Variants in RIMBP2 observed in about 807,000 individuals in gnomAD.
RIMBP2 encodes RIMS binding protein 2, also known as RIMS-binding protein 2.
RIMBP2 carries 48 observed loss-of-function variants against 118.6 expected under a neutral mutation model. The observed-to-expected ratio is 0.40, with a 90% CI of 0.32 to 0.51. RIMBP2 has a LOEUF of 0.51. Ranked by LOEUF, RIMBP2 falls within the 20% of genes least tolerant of loss-of-function variation. The pLI, the probability that RIMBP2 is intolerant of heterozygous loss-of-function variation, is 0.41. For missense variants in RIMBP2, 1,551 were observed against 1,768.3 expected, an observed-to-expected ratio of 0.88 and a Z score of 2.20; for synonymous variants, 762 against 742.9, an observed-to-expected ratio of 1.03 and a Z score of -0.42.
At chr12:130,597,707 C>G (rs896421578) in intron 2 of RIMBP2, among the ~76,000 whole-genome samples, 3 of 152,192 alleles carry the variant, frequency 2.0e-5, no homozygotes, top group Admixed American at 6.5e-5. Context: ...ACTGATAACA[C>G]CACTCAGCAA....
chr12:130,697,348 C>A (rs1034222006), intron 1 of RIMBP2, among the ~76,000 whole-genome samples: 6 of 152,166 alleles, frequency 3.9e-5, no homozygotes, highest in African/African-American at 1.4e-4. Context: ...ATAGCAAGAC[C>A]CCTCTCTACA....
In RIMBP2 at chr12:130,632,189, C is replaced by CT. The variant is rs569927532; in HGVS notation, c.-351-3734dup. Among the ~76,000 whole-genome samples the CT allele has an allele frequency of 4.6e-3, 708 of 152,318 alleles. 4 individuals carry two copies. The highest frequency in any genetic ancestry group is 0.016 in the African/African-American group (669 of 41,574). On this transcript the variant is annotated intron_variant, in intron 1 of 22. Coordinates refer to ENST00000690449, the MANE Select transcript of RIMBP2 (RefSeq NM_001393629.1). ...GATGCAAACAAATCAAGGCAGACAC[C>CT]TCCAGTGAGATCCCTGCAGGCAGAG...
chr12:130,520,148 G>A (rs2051925173), intron 2 of RIMBP2, among the ~76,000 whole-genome samples: 2 of 152,162 alleles, frequency 1.3e-5, no homozygotes, highest in Non-Finnish European at 2.9e-5. Flanking sequence ...TTATAGAAAT[G>A]CTTACATCTA....
rs184561856 is a variant in RIMBP2, at chr12:130,507,948, T to A, written c.-126-1178A>T. On this transcript the variant is annotated intron_variant, in intron 3 of 22. Transcript: ENST00000690449. ...AAGAAAGGGAGGCACCCACTTGGCATTCCCAAATGGGAACAGGGTTACAGG... is the reference window on the plus strand; with the variant it reads ...AAGAAAGGGAGGCACCCACTTGGCAATCCCAAATGGGAACAGGGTTACAGG... Among the ~76,000 whole-genome samples, 38 of 152,330 alleles carry A rather than the reference T, an allele frequency of 2.5e-4. No individual in the cohort carries two copies. In the East Asian group the frequency reaches 6.2e-3, roughly 25 times the overall value.
intron 1 of RIMBP2, among the ~76,000 whole-genome samples, chr12:130,635,404 T>C (rs1566410756): frequency 6.6e-6 from 1 of 152,200 alleles, no homozygotes. Flanking sequence ...CTCTGTTGCC[T>C]TCCCATATGT....
chr12:130,474,359 G>C lies in RIMBP2; in HGVS notation c.103-3616C>G, dbSNP rs191374099. ...TGCGGGATTTTGACCCTACTGCCCC[G>C]ACTGACGGAACCTCGTCACATCTCC... On this transcript the variant is annotated intron_variant, in intron 5 of 22. Coordinates refer to ENST00000690449, the MANE Select transcript of RIMBP2 (RefSeq NM_001393629.1). 8.5e-5 allele frequency among the ~76,000 whole-genome samples: 13 copies of C among 152,304 alleles called. 1 individual carries two copies. The highest frequency in any genetic ancestry group is 7.8e-4 in the Admixed American group (12 of 15,302).
At chr12:130,646,198 C>A (rs61936793) in intron 1 of RIMBP2, among the ~76,000 whole-genome samples, 9 of 72,428 alleles carry the variant, frequency 1.2e-4, no homozygotes, top group African/African-American at 3.6e-4. Context: ...TCACCACTTC[C>A]CTCTCCACCT....
At chr12:130,516,656 G>T (rs1222661551) in intron 3 of RIMBP2, among the ~76,000 whole-genome samples, 2 of 152,224 alleles carry the variant, frequency 1.3e-5, no homozygotes, top group Non-Finnish European at 1.5e-5. Flanking sequence ...ATGGAGTGGA[G>T]TGTTCTAAGC....
At chr12:130,439,197 C>T (rs1294908528) in intron 11 of RIMBP2, among the ~76,000 whole-genome samples, 6 of 82,438 alleles carry the variant, frequency 7.3e-5, no homozygotes, top group South Asian at 8.0e-4. Context: ...GTAATGTGTG[C>T]ATATATGTGT....
intron 2 of RIMBP2, among the ~76,000 whole-genome samples, chr12:130,574,072 G>A (rs747654699): frequency 3.2e-4 from 48 of 152,248 alleles, no homozygotes; most frequent in Non-Finnish European, 2.9e-4. Context: ...GATGGCACGC[G>A]GGGAGGTCAA....
intron 1 of RIMBP2, among the ~76,000 whole-genome samples, chr12:130,657,606 G>A (rs956084550): frequency 3.9e-5 from 6 of 152,168 alleles, no homozygotes; most frequent in Non-Finnish European, 5.9e-5. Flanking sequence ...CAGGGGAGAA[G>A]TGACCCGCAG....
chr12:130,647,424 T>C (rs2063040878), intron 1 of RIMBP2, among the ~76,000 whole-genome samples: 2 of 146,316 alleles, frequency 1.4e-5, no homozygotes, highest in Non-Finnish European at 1.5e-5. Context: ...GGAGTTAGAG[T>C]CAGGAGATGT....
At chr12:130,638,967 T>C (rs2062477188) in intron 1 of RIMBP2, among the ~76,000 whole-genome samples, 1 of 152,148 alleles carries the variant, frequency 6.6e-6, no homozygotes, top group Admixed American at 6.5e-5. Flanking sequence ...ATATCAATAT[T>C]GGATCATCAA....
chr12:130,586,519 C>T (rs112865775), intron 2 of RIMBP2, among the ~76,000 whole-genome samples: 30 of 152,172 alleles, frequency 2.0e-4, no homozygotes, highest in African/African-American at 5.1e-4. Context: ...TCAGAAATAA[C>T]GCCACATATC....
intron 9 of RIMBP2, among the ~76,000 whole-genome samples, chr12:130,448,813 C>G (rs2078755546): frequency 6.6e-6 from 1 of 152,252 alleles, no homozygotes; most frequent in Non-Finnish European, 1.5e-5. Flanking sequence ...GGCATCTACC[C>G]CAGTGCTTCT....
At chr12:130,607,330 G>C (rs1191437781) in intron 2 of RIMBP2, among the ~76,000 whole-genome samples, 4 of 152,138 alleles carry the variant, frequency 2.6e-5, no homozygotes, top group Non-Finnish European at 5.9e-5. Context: ...CGGGGAGAAA[G>C]GGCCCTACCC....
intron 14 of RIMBP2, chr12:130,432,046 T>C (rs897917665): frequency 2.3e-5 from 7 of 300,578 alleles, no homozygotes; most frequent in Non-Finnish European, 3.9e-5. Flanking sequence ...GTGGCTGCCA[T>C]AAGACAGCGC....
At chr12:130,649,719 G>A (rs1448158621) in intron 1 of RIMBP2, among the ~76,000 whole-genome samples, 1 of 152,228 alleles carries the variant, frequency 6.6e-6, no homozygotes, top group Middle Eastern at 3.4e-3. Flanking sequence ...GATCCTCTCA[G>A]CCCTGAGAAA....
chr12:130,715,766 A>T (rs1372601200), intron 1 of RIMBP2, among the ~76,000 whole-genome samples: 1 of 110,516 alleles, frequency 9.0e-6, no homozygotes, highest in African/African-American at 3.5e-5. Context: ...CCCCCCCTCC[A>T]CCCCGCCCCC....
Sources: gnomAD v4.1 joint callset for allele counts (sites outside exome capture counted in the v4.1 genomes callset) on GRCh38, gnomAD v4.1.1 for gene constraint, MANE v1.5 for transcripts, NCBI Gene and HGNC (gene_info 2026-07-23, HGNC 2026-07-21) for gene names.